RHPN2: variants seen among roughly 807,000 people sequenced by gnomAD.
RHPN2 encodes rhophilin Rho GTPase binding protein 2.
In RHPN2, 40 loss-of-function variants were observed where a neutral mutation model predicts 79.0. The ratio of observed to expected loss-of-function variants is 0.51; its 90% confidence interval spans 0.39 to 0.66. The LOEUF is 0.66. Among genes scored for constraint, RHPN2 ranks in the 30% least tolerant of loss-of-function variants. The pLI is 0.00. For synonymous variants in RHPN2, 285 were observed against 363.5 expected (o/e 0.78, Z 2.46); for missense variants, 686 against 883.5 (o/e 0.78, Z 2.83).
At chr19:33,022,421 C>T (rs1971932392) in intron 3 of RHPN2, among the ~76,000 whole-genome samples, 1 of 152,118 alleles carries the variant, frequency 6.6e-6, no homozygotes, top group South Asian at 2.1e-4. Context: ...GGAAGCTCTC[C>T]AATACCCTCA....
chr19:32,980,876 C>A (rs1382167058), intron 14 of RHPN2, among the ~76,000 whole-genome samples: 1 of 151,894 alleles, frequency 6.6e-6, no homozygotes, highest in Admixed American at 6.6e-5. Flanking sequence ...CTCACTCTGT[C>A]GCCCAGGCTG....
chr19:33,056,262 A>G (rs1029014507), intron 1 of RHPN2, among the ~76,000 whole-genome samples: 4 of 151,304 alleles, frequency 2.6e-5, no homozygotes, highest in Non-Finnish European at 5.9e-5. Context: ...ACAGGCATGC[A>G]CCACCACACC....
At chr19:33,039,829 C>A (rs1456117003) in intron 2 of RHPN2, among the ~76,000 whole-genome samples, 1 of 146,536 alleles carries the variant, frequency 6.8e-6, no homozygotes, top group Non-Finnish European at 1.5e-5. Flanking sequence ...CAGAGCAAGA[C>A]TCTGTCTCAA....
chr19:33,013,524 G>A (rs1313241426), intron 4 of RHPN2, among the ~76,000 whole-genome samples: 2 of 151,974 alleles, frequency 1.3e-5, no homozygotes, highest in Non-Finnish European at 2.9e-5. Context: ...TGCTGCTTCA[G>A]TAAAAGTGAG....
intron 10 of RHPN2, among the ~76,000 whole-genome samples, chr19:32,997,377 A>G (rs529291629): frequency 3.3e-5 from 5 of 152,302 alleles, no homozygotes; most frequent in African/African-American, 1.2e-4. Context: ...GACAAGAAAT[A>G]TGTAATGGAT....
Position 33,002,985 on chromosome 19 carries a change from A to G in RHPN2, c.776T>C (p.Leu259Pro). The change falls in exon 8 of 15, where the codon CTG (leucine) becomes CCG (proline). Residue 259 changes from leucine (L) to proline (P), a missense_variant. Transcript: ENST00000254260. ...FQRAAGVLNYLKDTFTHTPSY... is the reference protein window; with the variant it reads ...FQRAAGVLNYPKDTFTHTPSY... ...TGGAGTATGGGTAAATGTGTCTTTC[A>G]GGTAATTTAAAACCCCTAAAAGTGG... The G allele has an allele frequency of 1.2e-6, 2 of 1,613,888 alleles. No individual in the cohort carries two copies. The highest frequency in any genetic ancestry group is 1.7e-6 in the Non-Finnish European group (2 of 1,179,816).
intron 1 of RHPN2, among the ~76,000 whole-genome samples, chr19:33,060,008 G>C (rs1972266267): frequency 6.6e-6 from 1 of 152,202 alleles, no homozygotes; most frequent in African/African-American, 2.4e-5. Context: ...CTGCATGGCT[G>C]CTGGGCCCAT....
chr19:33,005,877 A>T (rs1599814752), intron 7 of RHPN2, among the ~76,000 whole-genome samples: 1 of 152,150 alleles, frequency 6.6e-6, no homozygotes, highest in East Asian at 1.9e-4. Flanking sequence ...CCGATAGACC[A>T]ATCTTTTATT....
At chr19:33,012,256 G>A (rs1971841438) in intron 5 of RHPN2, among the ~76,000 whole-genome samples, 1 of 151,970 alleles carries the variant, frequency 6.6e-6, no homozygotes, top group South Asian at 2.1e-4. Context: ...TGGCCAGTCT[G>A]GTCTCAAACT....
At chr19:32,991,746 G>T in intron 13 of RHPN2, 77 bp downstream of exon 13, 1 of 1,576,818 alleles carries the variant, frequency 6.3e-7, no homozygotes, top group Non-Finnish European at 8.7e-7. Context: ...TCAGGCCTTT[G>T]ACATGGGTGA....
At chr19:33,038,974 T>A (rs1158359212) in intron 2 of RHPN2, among the ~76,000 whole-genome samples, 2 of 152,092 alleles carry the variant, frequency 1.3e-5, no homozygotes, top group South Asian at 2.1e-4. Context: ...GTTTTTTTTT[T>A]AAAGTAATAC....
chr19:32,998,968 A>AGGGAGGGGAACAGAGGGGAGGAGAG (rs1971726554), intron 10 of RHPN2, among the ~76,000 whole-genome samples: 2 of 96,588 alleles, frequency 2.1e-5, no homozygotes, highest in Non-Finnish European at 4.0e-5. Flanking sequence ...GAGGAGGGGA[A>AGGGAGGGGAACAGAGGGGAGGAGAG]GGGAGGGGAA....
At chr19:32,993,870 G>GAGGCA in intron 12 of RHPN2, 107 bp downstream of exon 12, 1 of 847,546 alleles carries the variant, frequency 1.2e-6, no homozygotes, top group South Asian at 1.3e-5. Flanking sequence ...AAGCCCCCCA[G>GAGGCA]TTTGAGGCAT....
intron 1 of RHPN2, among the ~76,000 whole-genome samples, chr19:33,053,011 GC>G (rs1468729238): frequency 6.7e-6 from 1 of 149,612 alleles, no homozygotes; most frequent in Non-Finnish European, 1.5e-5. Flanking sequence ...TTGCTCTGTT[GC>G]CCAGGCTGGA....
chr19:33,039,656 G>T (rs1972084640), intron 2 of RHPN2, among the ~76,000 whole-genome samples: 1 of 151,948 alleles, frequency 6.6e-6, no homozygotes, highest in Non-Finnish European at 1.5e-5. Flanking sequence ...TGGCCAACAT[G>T]GCAAAACCTC....
At position 33,064,858 on chromosome 19, in the gene RHPN2, C is replaced by T. The variant is rs1018306117; in HGVS notation, c.-6G>A. The stretch of plus-strand genomic sequence containing the variant: ...GGCAACAGCGCGTCGGTCATGCTAG[C>T]GGCGCGGGCGCGGAGGGCGGACGGC... On this transcript the variant is annotated 5_prime_UTR_variant, in exon 1 of 15. Coordinates refer to ENST00000254260, the MANE Select transcript of RHPN2 (RefSeq NM_033103.5). 4 of 1,490,570 alleles carry T rather than the reference C, an allele frequency of 2.7e-6. No individual in the cohort carries two copies. In the African/African-American group the frequency reaches 4.4e-5, roughly 16 times the overall value. 92.3% of individuals were successfully genotyped at this position (1,490,570 alleles called of 1,614,324 possible).
chr19:33,047,011 C>T (rs1972147923), intron 1 of RHPN2, among the ~76,000 whole-genome samples: 1 of 152,104 alleles, frequency 6.6e-6, no homozygotes, highest in Non-Finnish European at 1.5e-5. Flanking sequence ...GTGCATGCCA[C>T]CACGTCCGGC....
At chr19:33,023,338 G>C (rs192005786) in intron 3 of RHPN2, among the ~76,000 whole-genome samples, 3 of 151,776 alleles carry the variant, frequency 2.0e-5, no homozygotes, top group Admixed American at 6.6e-5. Context: ...AGGAGGCTGA[G>C]GCAGGAGAAT....
At chr19:33,026,336 C>T (rs1971966337) in intron 3 of RHPN2, among the ~76,000 whole-genome samples, 168 bp downstream of exon 3, 1 of 152,040 alleles carries the variant, frequency 6.6e-6, no homozygotes, top group African/African-American at 2.4e-5. Context: ...CTCATCCCTT[C>T]CAGTCTAGCA....
Sources: allele counts gnomAD v4.1 joint callset (sites outside exome capture counted in the v4.1 genomes callset), GRCh38; gene constraint gnomAD v4.1.1; transcripts MANE v1.5; gene names NCBI Gene and HGNC (gene_info 2026-07-23, HGNC 2026-07-21).